The following GVQW3 variants were observed in gnomAD, a reference collection of about 807,000 sequenced individuals.
The protein encoded by GVQW3 is GVQW motif containing 3.
A neutral mutation model predicts 12.5 loss-of-function variants in GVQW3; 7 were observed. The ratio of observed to expected loss-of-function variants is 0.56; its 90% CI spans 0.32 to 1.05. GVQW3 has a LOEUF of 1.05. GVQW3 is among the 50% of genes least tolerant of loss of function. GVQW3 has a pLI of 0.04. For synonymous variants in GVQW3, 71 were observed against 67.2 expected (o/e 1.06, Z -0.28); for missense variants, 188 against 190.8 (o/e 0.99, Z 0.09).
chr11:76,403,892 T>C lies in GVQW3; in HGVS notation c.*134T>C. ...TCACAGCTCAAGAAGCGAGAACAAA[T>C]TTGCCCTTCTATCTTTTTGTTCTAT... On this transcript the variant is annotated 3_prime_UTR_variant, in exon 2 of 2. Transcript: ENST00000529331. 1.4e-6 allele frequency: 1 copy of C among 701,230 alleles called. No individual in the cohort carries two copies. The highest frequency in any genetic ancestry group is 2.6e-6 in the Non-Finnish European group (1 of 384,014). 43.4% of individuals were successfully genotyped at this position (701,230 alleles called of 1,614,324 possible). A position where few individuals can be genotyped will look rare whatever the true frequency, so the allele number is the denominator to read the frequency against.
At chr11:76,408,829 G>A (rs749690779), downstream of GVQW3, among the ~76,000 whole-genome samples, 1 of 152,132 alleles carries the variant, frequency 6.6e-6, no homozygotes, top group Non-Finnish European at 1.5e-5. Context: ...GGAAAGGAGG[G>A]GTGTGAGTGA....
chr11:76,402,643 G>A (rs1013423237), intron 1 of GVQW3, among the ~76,000 whole-genome samples: 1 of 152,052 alleles, frequency 6.6e-6, no homozygotes, highest in African/African-American at 2.4e-5. Flanking sequence ...CTTCATTAGT[G>A]TAGCTGATCA....
intron 1 of GVQW3, 158 bp downstream of exon 1, chr11:76,382,451 C>G (rs144355392): frequency 1.5e-6 from 1 of 670,470 alleles, no homozygotes; most frequent in East Asian, 2.7e-5. Flanking sequence ...AATTGGTTCA[C>G]CCCATGGTGA....
rs930553089 is a variant in GVQW3, at chr11:76,407,669, A to C, written c.*3911A>C. 3 of 152,194 alleles carry C rather than the reference A, an allele frequency of 2.0e-5. No homozygotes were observed. The highest frequency in any genetic ancestry group is 3.4e-3 in the Middle Eastern group (1 of 294). The allele number at this position is 152,194 out of a possible 1,614,324, so 9.4% of individuals were successfully genotyped here. Reference sequence around the variant, plus strand: ...TCTTAGGAATCTTTCTTAGGAAAACAGTCAGAGATGCAGACAAAGATTTAT... The same window carrying C: ...TCTTAGGAATCTTTCTTAGGAAAACCGTCAGAGATGCAGACAAAGATTTAT... On this transcript the variant is annotated 3_prime_UTR_variant, in exon 2 of 2. Transcript: ENST00000529331.
chr11:76,391,965 CA>C (rs928557431), intron 1 of GVQW3, among the ~76,000 whole-genome samples: 2 of 151,574 alleles, frequency 1.3e-5, no homozygotes, highest in South Asian at 2.1e-4. Flanking sequence ...AAAAAACAAA[CA>C]AAAAAAAATC....
intron 1 of GVQW3, among the ~76,000 whole-genome samples, chr11:76,395,496 C>G (rs1946930886): frequency 1.3e-5 from 2 of 152,104 alleles, no homozygotes; most frequent in African/African-American, 4.8e-5. Flanking sequence ...TGCTTCCAAC[C>G]TTTTGTTTTT....
At position 76,402,726 on chromosome 11, in the gene GVQW3, A is replaced by AT. The variant is rs1016447011; in HGVS notation, c.466-924dup. 7.1e-4 allele frequency among the ~76,000 whole-genome samples: 106 copies of AT among 149,596 alleles called. 1 individual carries two copies. Among genetic ancestry groups the AT allele is most frequent in the East Asian group, 5.3e-3 (27 of 5,136 alleles). On this transcript the variant is annotated intron_variant, in intron 1 of 1. Transcript: ENST00000529331. ...CACTTATTTTTCTTAATATAATTTA[A>AT]TTTTTTTTTTGAGAAAGGGTATCAT... is the stretch of plus-strand genomic sequence containing the variant.
In GVQW3 at chr11:76,381,991, G is replaced by A. The variant is rs528273127; in HGVS notation, c.163G>A (p.Glu55Lys). The A allele has an allele frequency of 2.6e-6, 4 of 1,536,422 alleles. No homozygotes were observed. Among genetic ancestry groups the A allele is most frequent in the South Asian group, 2.4e-5 (2 of 84,068 alleles). ...DWHKRFKEGR[E>K]DVRDDARSGR... ...GCACAAAAGGTTTAAAGAAGGACGG[G>A]AAGATGTTCGAGATGATGCCCGAAG... Residue 55 changes from glutamate (E) to lysine (K), a missense_variant, in exon 1 of 2, where the codon GAA becomes AAA. Physicochemically the swap from Glu to Lys is moderately conservative, Grantham distance 56. Transcript: ENST00000529331.
chr11:76,404,053 TCTATCTCA>T lies in GVQW3; in HGVS notation c.*296_*303del. The T allele has an allele frequency of 1.8e-6, 1 of 565,780 alleles. No homozygotes were observed. Among genetic ancestry groups the T allele is most frequent in the Non-Finnish European group, 3.3e-6 (1 of 307,608 alleles). 35.0% of individuals were successfully genotyped at this position (565,780 alleles called of 1,614,324 possible). On this transcript the variant is annotated 3_prime_UTR_variant, in exon 2 of 2. Coordinates refer to ENST00000529331, the MANE Select transcript of GVQW3 (RefSeq NM_001347885.2). The stretch of plus-strand genomic sequence containing the variant: ...CACACCCAGAAATAATGTTTTCCCA[TCTATCTCA>T]GTACCCCATGATCCAGTCAAGTGAA...
intron 1 of GVQW3, chr11:76,394,834 T>C (rs11236741): frequency 0.41 from 62,095 of 152,106 alleles, 13,866 homozygotes; most frequent in African/African-American, 0.57. Flanking sequence ...CCCTTTTCTC[T>C]GCATCCTTGC....
chr11:76,408,611 A>T (rs755229012), downstream of GVQW3: 5 of 152,326 alleles, frequency 3.3e-5, no homozygotes, highest in African/African-American at 4.8e-5. Context: ...GAGCAGGGCC[A>T]GGAAGGTGCT....
chr11:76,390,986 A>G (rs1946886444), intron 1 of GVQW3, among the ~76,000 whole-genome samples: 1 of 151,956 alleles, frequency 6.6e-6, no homozygotes, highest in Non-Finnish European at 1.5e-5. Flanking sequence ...TATACGAGGC[A>G]CACAGCACAA....
At chr11:76,400,593 G>C (rs909791649) in intron 1 of GVQW3, among the ~76,000 whole-genome samples, 1 of 151,096 alleles carries the variant, frequency 6.6e-6, no homozygotes, top group African/African-American at 2.4e-5. Context: ...GCTAATTTTT[G>C]TATTTTTAGT....
In GVQW3 at chr11:76,406,266, C is replaced by T. The variant is rs576532148; in HGVS notation, c.*2508C>T. On this transcript the variant is annotated 3_prime_UTR_variant, in exon 2 of 2. Coordinates refer to ENST00000529331, the MANE Select transcript of GVQW3 (RefSeq NM_001347885.2). ...GGGACTATAGGTGTGAGCCACTGCA[C>T]CTGGCCTGGAGCTCAGTTCTGAAAT... The T allele has an allele frequency of 2.0e-5, 3 of 152,532 alleles. No homozygotes were observed. Among genetic ancestry groups the T allele is most frequent in the African/African-American group, 7.2e-5 (3 of 41,562 alleles). The allele number at this position is 152,532 out of a possible 1,614,324, so 9.4% of individuals were successfully genotyped here.
downstream of GVQW3, chr11:76,411,920 C>T (rs1446714186): frequency 6.6e-6 from 1 of 152,186 alleles, no homozygotes; most frequent in Non-Finnish European, 1.5e-5. Flanking sequence ...TTCCAGTTTT[C>T]ATCCCCCTAA....
rs1946781462 is a variant in GVQW3 at position 76,382,245 on chromosome 11, C to T, written c.417C>T (p.Ser139=). 3 of 1,535,590 alleles carry T rather than the reference C, an allele frequency of 2.0e-6. No homozygotes were observed. The highest frequency in any genetic ancestry group is 1.7e-6 in the Non-Finnish European group (2 of 1,146,698). The change falls in exon 1 of 2, where the codon TCC becomes TCT. Residue 139 remains serine (S), a synonymous_variant. Transcript: ENST00000529331. The part of the protein sequence containing the change: ...EPKPRKLDFR[S]DLSKETRKNS... ...AACCACGAAAACTTGACTTTCGGTC[C>T]GATCTTTCAAAGGAAACTAGGAAAA...
chr11:76,390,921 A>G (rs185757155), intron 1 of GVQW3, among the ~76,000 whole-genome samples: 104 of 152,358 alleles, frequency 6.8e-4, no homozygotes, highest in South Asian at 3.5e-3. Flanking sequence ...TACGAGGCAC[A>G]CAGCACAACA....
downstream of GVQW3, among the ~76,000 whole-genome samples, chr11:76,410,181 G>A (rs1947071060): frequency 6.6e-6 from 1 of 152,170 alleles, no homozygotes. Context: ...CTTGAGCCCA[G>A]GAAATGGAGG....
chr11:76,393,207 A>G (rs543868786), intron 1 of GVQW3, among the ~76,000 whole-genome samples: 3 of 152,124 alleles, frequency 2.0e-5, no homozygotes, highest in South Asian at 2.1e-4. Context: ...TGGGTGTAGT[A>G]TAAGGGGATA....
Sources: allele counts gnomAD v4.1 joint callset (sites outside exome capture counted in the v4.1 genomes callset), GRCh38; gene constraint gnomAD v4.1.1; transcripts MANE v1.5; gene names NCBI Gene and HGNC (gene_info 2026-07-23, HGNC 2026-07-21).